The following EXD3 variants were observed in gnomAD, a reference collection of about 807,000 sequenced individuals.
EXD3 encodes the protein exonuclease mut-7 homolog.
In EXD3, 92 loss-of-function variants were observed where a neutral mutation model predicts 98.0. The ratio of observed to expected loss-of-function variants is 0.94; its 90% CI spans 0.79 to 1.12. EXD3 has a LOEUF of 1.12. EXD3 is among the 50% of genes most tolerant of loss of function. The pLI is 0.00. For synonymous variants in EXD3, 569 were observed against 526.0 expected (o/e 1.08, Z -1.12); for missense variants, 1,222 against 1,191.6 (o/e 1.03, Z -0.38).
At position 137,330,162 on chromosome 9, in the gene EXD3, C is replaced by T. The variant is rs566786840; in HGVS notation, c.1999-6019G>A. Among the ~76,000 whole-genome samples, 105 of 134,028 alleles carry T rather than the reference C, an allele frequency of 7.8e-4. 3 individuals carry two copies. The highest frequency in any genetic ancestry group is 2.9e-3 in the Admixed American group (40 of 13,576). The allele number at this position is 134,028 out of a possible 152,430, so 87.9% of individuals were successfully genotyped here. A position where few individuals can be genotyped will look rare whatever the true frequency, so the allele number is the denominator to read the frequency against. On this transcript the variant is annotated intron_variant, in intron 17 of 21. Coordinates refer to ENST00000340951, the MANE Select transcript of EXD3 (RefSeq NM_017820.5). The stretch of plus-strand genomic sequence containing the variant: ...GGAACTACACCGGAGCTACACAGGA[C>T]TACACCGGAGCTACACGGGACTACA...
chr9:137,336,656 T>A (rs1401250226), intron 17 of EXD3, among the ~76,000 whole-genome samples: 150 of 112,562 alleles, frequency 1.3e-3, no homozygotes, highest in African/African-American at 1.4e-3. Flanking sequence ...AGACTCCGTC[T>A]AAAAAAAAAA....
intron 1 of EXD3, among the ~76,000 whole-genome samples, chr9:137,419,430 G>A (rs1174087806): frequency 6.6e-6 from 1 of 152,296 alleles, no homozygotes; most frequent in East Asian, 1.9e-4. Context: ...AACACTTCGG[G>A]AGGCTGAGGC....
chr9:137,351,601 T>C (rs1834309740), intron 12 of EXD3, 73 bp from the exon 13 acceptor site: 1 of 1,375,502 alleles, frequency 7.3e-7, no homozygotes, highest in South Asian at 1.3e-5. Context: ...CTGGAGGTCC[T>C]GAGCAGCTCT....
At chr9:137,323,910 C>T in intron 18 of EXD3, 54 bp from the exon 19 acceptor site, 1 of 1,551,564 alleles carries the variant, frequency 6.4e-7, no homozygotes, top group Non-Finnish European at 8.7e-7. Context: ...AGCACCTGCC[C>T]AGGCCCAGCC....
At chr9:137,381,996 AC>A (rs1836304319) in intron 3 of EXD3, among the ~76,000 whole-genome samples, 1 of 77,350 alleles carries the variant, frequency 1.3e-5, no homozygotes, top group African/African-American at 6.8e-5. Context: ...GGAGGTGAGG[AC>A]GCGGGGAGGA....
chr9:137,370,472 AGACCTTCCC>A (rs1223878424), intron 5 of EXD3, among the ~76,000 whole-genome samples: 1 of 152,068 alleles, frequency 6.6e-6, no homozygotes, highest in Non-Finnish European at 1.5e-5. Context: ...TGCACCAGGC[AGACCTTCCC>A]GACCTCTGCT....
At chr9:137,345,234 T>A (rs1013638244) in intron 17 of EXD3, among the ~76,000 whole-genome samples, 42 of 152,274 alleles carry the variant, frequency 2.8e-4, no homozygotes, top group Admixed American at 2.5e-3. Flanking sequence ...TCTTTCCTTT[T>A]CCTTTTTAAA....
intron 20 of EXD3, among the ~76,000 whole-genome samples, chr9:137,308,518 C>T (rs989691389): frequency 2.0e-5 from 3 of 151,952 alleles, no homozygotes; most frequent in Admixed American, 6.6e-5. Context: ...TGTGTCTTTG[C>T]GAGCGGGGGA....
intron 1 of EXD3, among the ~76,000 whole-genome samples, chr9:137,412,311 G>A (rs920503724): frequency 3.3e-5 from 5 of 152,350 alleles, no homozygotes; most frequent in African/African-American, 1.2e-4. Flanking sequence ...GATTAGAGAA[G>A]GGTCAATATC....
At position 137,371,463 on chromosome 9, in the gene EXD3, C is replaced by T. The variant is rs915169817; in HGVS notation, c.462+1442G>A. ...ATGCCCGTGCCCAGGTTCCAATGCA[C>T]CTCCTCACGGTGAGGGGTCTTGCTG... is the stretch of plus-strand genomic sequence containing the variant. On this transcript the variant is annotated intron_variant, in intron 5 of 21. Coordinates refer to ENST00000340951, the MANE Select transcript of EXD3 (RefSeq NM_017820.5). This position sits in a 1 kb window ranked among gnomAD's most constrained non-coding sequence, Gnocchi z 8.0. Among the ~76,000 whole-genome samples the T allele has an allele frequency of 2.0e-5, 3 of 152,160 alleles. No homozygotes were observed. Among genetic ancestry groups the T allele is most frequent in the Non-Finnish European group, 2.9e-5 (2 of 68,014 alleles).
intron 19 of EXD3, 105 bp downstream of exon 19, chr9:137,323,620 C>T: frequency 6.8e-7 from 1 of 1,473,688 alleles, no homozygotes; most frequent in Admixed American, 2.0e-5. Context: ...GCCGACACCC[C>T]ACCCCAGACC....
chr9:137,398,922 T>C (rs1270476849), intron 1 of EXD3, among the ~76,000 whole-genome samples: 6 of 100,364 alleles, frequency 6.0e-5, no homozygotes, highest in Non-Finnish European at 1.0e-4. Context: ...CAACCGCGTC[T>C]CCGTGACACA....
chr9:137,410,664 A>G (rs1375412370), intron 1 of EXD3, among the ~76,000 whole-genome samples: 1 of 152,172 alleles, frequency 6.6e-6, no homozygotes, highest in Non-Finnish European at 1.5e-5. Flanking sequence ...GAGACGACAC[A>G]GCTGGGTCCC....
chr9:137,383,164 G>A (rs553528393), intron 3 of EXD3, 149 bp downstream of exon 3: 12 of 635,040 alleles, frequency 1.9e-5, no homozygotes, highest in African/African-American at 1.3e-4. Flanking sequence ...CCCTGGAGGC[G>A]GTCTGGGGCA....
At chr9:137,369,177 C>G (rs1397734146) in intron 5 of EXD3, among the ~76,000 whole-genome samples, 2 of 114,478 alleles carry the variant, frequency 1.7e-5, no homozygotes, top group African/African-American at 3.4e-5. Flanking sequence ...GGAAGGGGCG[C>G]AGGGCCGGGG....
At chr9:137,420,604 T>G (rs959416558) in intron 1 of EXD3, among the ~76,000 whole-genome samples, 1 of 152,126 alleles carries the variant, frequency 6.6e-6, no homozygotes, top group Non-Finnish European at 1.5e-5. Flanking sequence ...AAAAGCCCCT[T>G]GGGATGACTG....
At chr9:137,422,950 C>T (rs1044569839) in intron 1 of EXD3, among the ~76,000 whole-genome samples, 164 bp downstream of exon 1, 13 of 152,142 alleles carry the variant, frequency 8.5e-5, no homozygotes, top group African/African-American at 3.1e-4. Context: ...GCACCTTCCC[C>T]GCCCCATCGG....
At chr9:137,318,484 G>C (rs1027385587) in intron 19 of EXD3, among the ~76,000 whole-genome samples, 1 of 152,214 alleles carries the variant, frequency 6.6e-6, no homozygotes, top group African/African-American at 2.4e-5. Flanking sequence ...TGCTGGGGGG[G>C]TGGGGACTGG....
Position 137,395,236 on chromosome 9 carries a change from C to CCCGGG in EXD3, c.55+66_55+67insCCCGG. 7.1e-7 allele frequency: 1 copy of CCCGGG among 1,399,958 alleles called. No homozygotes were observed. The highest frequency in any genetic ancestry group is 1.0e-6 in the Non-Finnish European group (1 of 986,996). 86.7% of individuals were successfully genotyped at this position (1,399,958 alleles called of 1,614,324 possible). ...AGTACACAGTGGGCGCCACCACCCC[C>CCCGGG]CATGCACACCCACGCACCTCCCCCC... is the stretch of plus-strand genomic sequence containing the variant. On this transcript the variant is annotated intron_variant, in intron 2 of 21. Transcript: ENST00000340951. The surrounding 1 kb of genome is among the most constrained non-coding windows in gnomAD (Gnocchi z 6.5).
Sources: allele counts gnomAD v4.1 joint callset (sites outside exome capture counted in the v4.1 genomes callset), GRCh38; gene constraint gnomAD v4.1.1; non-coding constraint Gnocchi (gnomAD v3.1); transcripts MANE v1.5; gene names NCBI Gene and HGNC (gene_info 2026-07-23, HGNC 2026-07-21).